LRRC7: variants seen among roughly 807,000 people sequenced by gnomAD.
LRRC7 encodes the protein leucine-rich repeat-containing protein 7.
LRRC7 carries 23 observed loss-of-function variants against 175.7 expected under a neutral mutation model. The observed-to-expected ratio is 0.13, with a 90% CI of 0.09 to 0.19. LRRC7 has a LOEUF of 0.19. Among genes scored for constraint, LRRC7 ranks in the 10% least tolerant of loss-of-function variants. The pLI is 1.00. For synonymous variants in LRRC7, 685 were observed against 680.9 expected, an observed-to-expected ratio of 1.01 and a Z score of -0.09; for missense variants, 1,354 against 1,904.7, an observed-to-expected ratio of 0.71 and a Z score of 5.38.
chr1:69,619,358 ACTT>A (rs1428005828), intron 1 of LRRC7, among the ~76,000 whole-genome samples: 6 of 152,128 alleles, frequency 3.9e-5, no homozygotes, highest in Admixed American at 3.9e-4. Flanking sequence ...TAATACTAGT[ACTT>A]CTGTTCTTCA....
intron 7 of LRRC7, among the ~76,000 whole-genome samples, chr1:69,882,468 G>A (rs886340553): frequency 3.3e-5 from 5 of 152,076 alleles, no homozygotes; most frequent in African/African-American, 1.2e-4. Context: ...AATGCCTATT[G>A]ACTGATGAAT....
rs557263923 is a variant in LRRC7, at chr1:69,840,418, A to G, written c.647+2135A>G. 2.6e-5 allele frequency among the ~76,000 whole-genome samples: 4 copies of G among 152,208 alleles called. 1 individual carries two copies. Among genetic ancestry groups the G allele is most frequent in the African/African-American group, 9.6e-5 (4 of 41,574 alleles). On this transcript the variant is annotated intron_variant, in intron 7 of 26. Transcript: ENST00000651989. ...TTTTAGGAAAAACAATTTTAGTTTA[A>G]CAATAACTATTCTGAGAAGAGATAA...
chr1:69,689,116 T>A (rs1557603084), intron 2 of LRRC7, among the ~76,000 whole-genome samples: 1 of 152,204 alleles, frequency 6.6e-6, no homozygotes, highest in Non-Finnish European at 1.5e-5. Flanking sequence ...ATTGTCATCA[T>A]CTTCAGTTTC....
At chr1:69,799,969 G>A (rs1676271773) in intron 4 of LRRC7, among the ~76,000 whole-genome samples, 1 of 152,074 alleles carries the variant, frequency 6.6e-6, no homozygotes, top group South Asian at 2.1e-4. Flanking sequence ...TGGCGATCCA[G>A]TTTTCCCAGC....
At chr1:69,990,972 C>G (rs1051746270) in intron 10 of LRRC7, among the ~76,000 whole-genome samples, 5 of 151,998 alleles carry the variant, frequency 3.3e-5, no homozygotes, top group African/African-American at 1.2e-4. Flanking sequence ...CTGGGCAACA[C>G]AGCAAGTTCC....
At chr1:69,763,809 T>C (rs563384125) in intron 3 of LRRC7, among the ~76,000 whole-genome samples, 2 of 152,116 alleles carry the variant, frequency 1.3e-5, no homozygotes, top group Non-Finnish European at 2.9e-5. Context: ...CATTTTATTT[T>C]ATGGTTTTCT....
intron 25 of LRRC7, 128 bp from the exon 26 acceptor site, chr1:70,107,624 C>T: frequency 1.6e-6 from 1 of 608,010 alleles, no homozygotes; most frequent in South Asian, 2.4e-5. Context: ...CTATAATATT[C>T]TTTGAAGCCT....
At chr1:69,840,473 A>G (rs1318925850) in intron 7 of LRRC7, among the ~76,000 whole-genome samples, 1 of 152,056 alleles carries the variant, frequency 6.6e-6, no homozygotes, top group African/African-American at 2.4e-5. Flanking sequence ...TACAAACAAG[A>G]TGTTGCATTG....
chr1:69,632,021 A>G (rs1652589918), intron 1 of LRRC7, among the ~76,000 whole-genome samples: 1 of 152,064 alleles, frequency 6.6e-6, no homozygotes, highest in Admixed American at 6.5e-5. Flanking sequence ...TTTCCAATAC[A>G]GCCTCTTTTT....
At chr1:69,719,737 T>A (rs1323836765) in intron 2 of LRRC7, among the ~76,000 whole-genome samples, 1 of 151,662 alleles carries the variant, frequency 6.6e-6, no homozygotes. Flanking sequence ...TCATGTATAT[T>A]GTAAAAACCT....
Position 69,910,505 on chromosome 1 carries a change from G to A in LRRC7, c.648-21002G>A, listed in dbSNP as rs181431151. On this transcript the variant is annotated intron_variant, in intron 7 of 26. Coordinates refer to ENST00000651989, the MANE Select transcript of LRRC7 (RefSeq NM_001370785.2). ...CGGTGGCTGCAGAACAGCGGTGGCT[G>A]TAGAACAGCAGACCTTGGTGAACCA... Among the ~76,000 whole-genome samples the A allele has an allele frequency of 1.9e-3, 296 of 152,308 alleles. 1 individual carries two copies. Among genetic ancestry groups the A allele is most frequent in the African/African-American group, 6.7e-3 (280 of 41,572 alleles).
chr1:69,892,834 C>T, intron 7 of LRRC7, among the ~76,000 whole-genome samples: 1 of 152,064 alleles, frequency 6.6e-6, no homozygotes, highest in East Asian at 1.9e-4. Flanking sequence ...AGATTCAAAC[C>T]CCTTCTCTCC....
At position 70,143,966 on chromosome 1, in the gene LRRC7, C is replaced by T. The variant is rs965032726; in HGVS notation, c.*22079C>T. 3.3e-5 allele frequency: 5 copies of T among 152,206 alleles called. No individual in the cohort carries two copies. Among genetic ancestry groups the T allele is most frequent in the South Asian group, 4.2e-4 (2 of 4,818 alleles). The allele number at this position is 152,206 out of a possible 1,614,324, so 9.4% of individuals were successfully genotyped here. A position where few individuals can be genotyped will look rare whatever the true frequency, so the allele number is the denominator to read the frequency against. ...TATTTACTACTTTATTAACATAGAT[C>T]GTGAATGTACTTACTGGTTTTTTTG... On this transcript the variant is annotated 3_prime_UTR_variant, in exon 27 of 27. Transcript: ENST00000651989.
intron 2 of LRRC7, among the ~76,000 whole-genome samples, chr1:69,702,636 T>A (rs1663506837): frequency 6.6e-6 from 1 of 152,092 alleles, no homozygotes; most frequent in Non-Finnish European, 1.5e-5. Context: ...ATGGAGGCTA[T>A]TCAGCAACTT....
At chr1:69,857,468 T>A (rs1408055027) in intron 7 of LRRC7, among the ~76,000 whole-genome samples, 1 of 151,842 alleles carries the variant, frequency 6.6e-6, no homozygotes, top group Non-Finnish European at 1.5e-5. Flanking sequence ...TATACACCAA[T>A]AACAGACAAA....
chr1:69,955,926 G>A (rs924429644), intron 8 of LRRC7, among the ~76,000 whole-genome samples: 1 of 151,964 alleles, frequency 6.6e-6, no homozygotes, highest in African/African-American at 2.4e-5. Context: ...GTGTACTGAT[G>A]TAGAACTATA....
At position 69,893,390 on chromosome 1, in the gene LRRC7, C is replaced by T. The variant is rs141842915; in HGVS notation, c.648-38117C>T. On this transcript the variant is annotated intron_variant, in intron 7 of 26. Transcript: ENST00000651989. ...TTTCAAAAATATGTTTTTTGAACTA[C>T]GCATTAACCTCGTAAGAGGAGCATA... is the stretch of plus-strand genomic sequence containing the variant. Among the ~76,000 whole-genome samples, 509 of 152,234 alleles carry T rather than the reference C, an allele frequency of 3.3e-3. 1 individual carries two copies. The highest frequency in any genetic ancestry group is 0.011 in the African/African-American group (449 of 41,546).
chr1:70,144,192 A>AGAT lies in LRRC7; in HGVS notation c.*22307_*22309dup, dbSNP rs1667209022. 7.2e-5 allele frequency: 11 copies of AGAT among 152,358 alleles called. No homozygotes were observed. Among genetic ancestry groups the AGAT allele is most frequent in the Admixed American group, 7.2e-4 (11 of 15,306 alleles). 9.4% of individuals were successfully genotyped at this position (152,358 alleles called of 1,614,324 possible). ...ACAATGTGATTAGAATGCATTTTGAAGATGCTTTCTGTACAGATACAAAAT... is the reference window on the plus strand; with the variant it reads ...ACAATGTGATTAGAATGCATTTTGAAGATGATGCTTTCTGTACAGATACAAAAT... On this transcript the variant is annotated 3_prime_UTR_variant, in exon 27 of 27. Transcript: ENST00000651989.
intron 1 of LRRC7, among the ~76,000 whole-genome samples, chr1:69,602,813 A>C (rs990586308): frequency 6.6e-6 from 1 of 152,234 alleles, no homozygotes; most frequent in Non-Finnish European, 1.5e-5. Context: ...CAGTGATCCC[A>C]TAAGATTATA....
Sources: gnomAD v4.1 joint callset for allele counts (sites outside exome capture counted in the v4.1 genomes callset) on GRCh38, gnomAD v4.1.1 for gene constraint, MANE v1.5 for transcripts, NCBI Gene and HGNC (gene_info 2026-07-23, HGNC 2026-07-21) for gene names.